GREB1L: variants seen among roughly 807,000 people sequenced by gnomAD.
The protein encoded by GREB1L is GREB1 like retinoic acid receptor coactivator.
A neutral mutation model predicts 200.8 loss-of-function variants in GREB1L; 17 were observed. The observed-to-expected ratio is 0.08, with a 90% CI of 0.06 to 0.13. The LOEUF (loss-of-function observed/expected upper bound fraction) is 0.13. Among genes scored for constraint, GREB1L ranks in the 10% least tolerant of loss-of-function variants. GREB1L has a pLI of 1.00. For missense variants in GREB1L, 1,657 were observed against 2,367.7 expected, an observed-to-expected ratio of 0.70 and a Z score of 6.23; for synonymous variants, 789 against 893.0, an observed-to-expected ratio of 0.88 and a Z score of 2.08.
At chr18:21,302,585 C>G (rs541177221) in intron 1 of GREB1L, among the ~76,000 whole-genome samples, 149 of 152,324 alleles carry the variant, frequency 9.8e-4, no homozygotes, top group African/African-American at 3.5e-3. Flanking sequence ...GCCTCAGGCA[C>G]ACTGGGACAT....
Position 21,473,163 on chromosome 18 carries a change from A to G in GREB1L, c.2315A>G (p.Tyr772Cys). The G allele has an allele frequency of 3.2e-6, 5 of 1,549,370 alleles. No homozygotes were observed. Among genetic ancestry groups the G allele is most frequent in the Non-Finnish European group, 4.4e-6 (5 of 1,145,776 alleles). Residue 772 changes from tyrosine (Y) to cysteine (C), a missense_variant, in exon 16 of 33, where the codon TAC (tyrosine) becomes TGC (cysteine). Physicochemically the swap from Tyr to Cys is radical, Grantham distance 194. This residue lies in a region of GREB1L where 239 missense variants were observed against 421.8 expected (regional missense o/e 0.57). Transcript: ENST00000424526. Reference protein sequence around the residue: ...VFMRRVKQNPYTLFVLVHDNS... With the variant: ...VFMRRVKQNPCTLFVLVHDNS... ...ATGAGGAGAGTGAAACAGAACCCGT[A>G]CACACTGTTTGTGCTAGTTCATGAC...
At chr18:21,370,687 GCCT>G (rs2039838886) in intron 2 of GREB1L, among the ~76,000 whole-genome samples, 1 of 152,196 alleles carries the variant, frequency 6.6e-6, no homozygotes. Flanking sequence ...ACACAGCCAA[GCCT>G]CTTAGAACTT....
At chr18:21,355,386 G>A (rs1254657321) in intron 1 of GREB1L, among the ~76,000 whole-genome samples, 1 of 152,012 alleles carries the variant, frequency 6.6e-6, no homozygotes. Context: ...TAGAGATGGG[G>A]TTTCACTATG....
chr18:21,371,864 CTT>C (rs1166752834), intron 2 of GREB1L, among the ~76,000 whole-genome samples: 7 of 150,462 alleles, frequency 4.7e-5, no homozygotes, highest in Non-Finnish European at 8.8e-5. Context: ...ATTCTAAAAA[CTT>C]ATTACTGTAT....
chr18:21,318,994 G>C (rs573927329), intron 1 of GREB1L, among the ~76,000 whole-genome samples: 6 of 152,190 alleles, frequency 3.9e-5, no homozygotes, highest in Admixed American at 3.9e-4. Context: ...CTTAGCCCCC[G>C]TGTAGCTGCC....
chr18:21,329,974 G>GC (rs1356254050), intron 1 of GREB1L, among the ~76,000 whole-genome samples: 1 of 150,300 alleles, frequency 6.7e-6, no homozygotes, highest in African/African-American at 2.4e-5. Flanking sequence ...TTTTTTGGGG[G>GC]GGGGGGGTCT....
At chr18:21,345,204 C>T (rs529076804) in intron 1 of GREB1L, among the ~76,000 whole-genome samples, 31 of 152,304 alleles carry the variant, frequency 2.0e-4, no homozygotes, top group African/African-American at 7.2e-4. Context: ...GGTTGTTTCA[C>T]AGCCATTTCG....
At chr18:21,479,444 C>T (rs1213684483) in intron 17 of GREB1L, among the ~76,000 whole-genome samples, 4 of 151,856 alleles carry the variant, frequency 2.6e-5, no homozygotes, top group African/African-American at 7.3e-5. Flanking sequence ...TTAGGGAGGC[C>T]GAGGTGGGTG....
At position 21,522,206 on chromosome 18, in the gene GREB1L, C is replaced by T. The variant is rs149572825; in HGVS notation, c.5609-452C>T. Reference sequence around the variant, plus strand: ...ACTGAATTTGGGCTGGGCGCAGTGGCTCACACCTGTAATCCCAGCACCTTG... The same window carrying T: ...ACTGAATTTGGGCTGGGCGCAGTGGTTCACACCTGTAATCCCAGCACCTTG... On this transcript the variant is annotated intron_variant, in intron 32 of 32. Coordinates refer to ENST00000424526, the MANE Select transcript of GREB1L (RefSeq NM_001142966.3). Among the ~76,000 whole-genome samples the T allele has an allele frequency of 5.6e-4, 85 of 152,080 alleles. No homozygotes were observed. The East Asian group carries it at 0.014, about 26-fold the overall frequency.
At chr18:21,254,095 A>T (rs1441691331) in intron 1 of GREB1L, among the ~76,000 whole-genome samples, 1 of 111,720 alleles carries the variant, frequency 9.0e-6, no homozygotes, top group Admixed American at 1.1e-4. Context: ...TTTGCTAGAG[A>T]GTCTCGCTCT....
chr18:21,460,894 C>T (rs547505222), intron 15 of GREB1L, among the ~76,000 whole-genome samples: 12 of 151,686 alleles, frequency 7.9e-5, no homozygotes, highest in Middle Eastern at 3.4e-3. Context: ...GTCAGGAGTT[C>T]GAGACCAGCC....
chr18:21,449,635 C>G lies in GREB1L; in HGVS notation c.1519C>G (p.Leu507Val). 1.3e-6 allele frequency: 2 copies of G among 1,551,442 alleles called. No individual in the cohort carries two copies. The highest frequency in any genetic ancestry group is 1.7e-6 in the Non-Finnish European group (2 of 1,146,764). Residue 507 changes from leucine (L) to valine (V), a missense_variant, in exon 12 of 33, where the codon CTC (leucine) becomes GTC (valine). Leu to Val is a conservative substitution (Grantham distance 32). This residue lies in a region of GREB1L where 289 missense variants were observed against 345.1 expected (regional missense o/e 0.84). Coordinates refer to ENST00000424526, the MANE Select transcript of GREB1L (RefSeq NM_001142966.3). ...AQCVPVSPGQ[L>V]PWLARLIASV... is the part of the protein sequence containing the mutation. The stretch of plus-strand genomic sequence containing the variant: ...GTGTGTCCCTGTGTCACCAGGACAA[C>G]TCCCCTGGCTTGCTAGATTAATTGC...
At chr18:21,299,195 T>C (rs1397073333) in intron 1 of GREB1L, among the ~76,000 whole-genome samples, 2 of 151,642 alleles carry the variant, frequency 1.3e-5, no homozygotes, top group African/African-American at 4.9e-5. Flanking sequence ...GGAGAATCAC[T>C]TGAACCCTGG....
intron 1 of GREB1L, among the ~76,000 whole-genome samples, chr18:21,248,836 C>G (rs2037649975): frequency 6.6e-6 from 1 of 152,194 alleles, no homozygotes; most frequent in African/African-American, 2.4e-5. Flanking sequence ...TCAATAGCTG[C>G]TCATGGCTGG....
chr18:21,390,348 TC>T (rs2040745401), intron 4 of GREB1L, among the ~76,000 whole-genome samples: 1 of 152,056 alleles, frequency 6.6e-6, no homozygotes, highest in African/African-American at 2.4e-5. Flanking sequence ...TAGGAGGTAT[TC>T]CAGAAGATGG....
chr18:21,383,478 T>C (rs907837628), intron 2 of GREB1L, 32 bp from the exon 3 acceptor site: 1 of 1,453,600 alleles, frequency 6.9e-7, no homozygotes, highest in Non-Finnish European at 9.1e-7. Flanking sequence ...ATATCAATTT[T>C]ATCCTTTCTT....
intron 15 of GREB1L, chr18:21,454,906 A>C: frequency 8.8e-6 from 3 of 339,308 alleles, no homozygotes; most frequent in African/African-American, 2.2e-5. Flanking sequence ...TGCCACCTGA[A>C]CTCCTCCCAC....
Position 21,449,731 on chromosome 18 carries a change from T to G in GREB1L, c.1615T>G (p.Leu539Val). Residue 539 changes from leucine (L) to valine (V), a missense_variant, in exon 12 of 33, where the codon TTA (leucine) becomes GTA (valine). Leu to Val is a conservative substitution (Grantham distance 32). This residue lies in a region of GREB1L where 239 missense variants were observed against 421.8 expected (regional missense o/e 0.57). Transcript: ENST00000424526. ...TTTGGCGGAGGGCATTTCAGAGACCTTAAGGACTCTCAGTGAAATGAGACA... is the reference window on the plus strand; with the variant it reads ...TTTGGCGGAGGGCATTTCAGAGACCGTAAGGACTCTCAGTGAAATGAGACA... ...NSLAEGISETLRTLSEMRHYQ... is the reference protein window; with the variant it reads ...NSLAEGISETVRTLSEMRHYQ... The G allele has an allele frequency of 6.4e-7, 1 of 1,551,614 alleles. No individual in the cohort carries two copies.
chr18:21,372,526 G>C lies in GREB1L; in HGVS notation c.-10+6390G>C, dbSNP rs145571284. On this transcript the variant is annotated intron_variant, in intron 2 of 32. Transcript: ENST00000424526. ...TTTTGTTTTGTTTTTTAGCTCATCAGCTGTCGATAGTGTATTTTATGTGTG... is the reference window on the plus strand; with the variant it reads ...TTTTGTTTTGTTTTTTAGCTCATCACCTGTCGATAGTGTATTTTATGTGTG... 1.4e-3 allele frequency among the ~76,000 whole-genome samples: 209 copies of C among 152,188 alleles called. 1 individual carries two copies. The highest frequency in any genetic ancestry group is 4.8e-3 in the African/African-American group (198 of 41,510).
Sources: gnomAD v4.1 joint callset for allele counts (sites outside exome capture counted in the v4.1 genomes callset) on GRCh38, gnomAD v4.1.1 for gene constraint, gnomAD v4.1.1 regional missense constraint, MANE v1.5 for transcripts, NCBI Gene and HGNC (gene_info 2026-07-23, HGNC 2026-07-21) for gene names.